The following PRMT3 variants were observed in gnomAD, a reference collection of about 807,000 sequenced individuals.
PRMT3 encodes protein arginine methyltransferase 3.
PRMT3 carries 62 observed loss-of-function variants against 71.9 expected under a neutral mutation model. The observed-to-expected ratio is 0.86, with a 90% CI of 0.70 to 1.07. The LOEUF is 1.07. Ranked by LOEUF, PRMT3 falls within the 50% of genes least tolerant of loss-of-function variation. The pLI, the probability that PRMT3 is intolerant of heterozygous loss-of-function variation, is 0.00. For synonymous variants in PRMT3, 213 were observed against 220.4 expected (o/e 0.97, Z 0.30); for missense variants, 663 against 643.0 (o/e 1.03, Z -0.34).
intron 7 of PRMT3, among the ~76,000 whole-genome samples, chr11:20,399,265 CAT>C (rs1459837599): frequency 6.6e-6 from 1 of 152,066 alleles, no homozygotes; most frequent in Non-Finnish European, 1.5e-5. Flanking sequence ...TATTTGATAA[CAT>C]GTATATATTT....
intron 10 of PRMT3, among the ~76,000 whole-genome samples, chr11:20,447,428 T>A (rs1468520757): frequency 6.6e-6 from 1 of 152,134 alleles, no homozygotes; most frequent in African/African-American, 2.4e-5. Flanking sequence ...CCTACAAATT[T>A]ATCTGGCCCA....
chr11:20,416,853 C>T (rs1442860753), intron 9 of PRMT3, among the ~76,000 whole-genome samples: 1 of 152,070 alleles, frequency 6.6e-6, no homozygotes, highest in African/African-American at 2.4e-5. Flanking sequence ...TGTAAATCTA[C>T]CCCCAGCTTC....
At chr11:20,413,235 T>A (rs184479132) in intron 9 of PRMT3, among the ~76,000 whole-genome samples, 2 of 152,242 alleles carry the variant, frequency 1.3e-5, no homozygotes, top group East Asian at 3.9e-4. Context: ...ATTTTAAAAT[T>A]TGGAGTGAAA....
At chr11:20,478,013 A>G (rs16906321) in intron 13 of PRMT3, among the ~76,000 whole-genome samples, 3,306 of 152,290 alleles carry the variant, frequency 0.022, 122 homozygotes, top group African/African-American at 0.074. Context: ...CATTTTTGCT[A>G]CTTTACCCAC....
chr11:20,506,960 TCACTGTTTCACATGGGTA>T (rs1368604534), intron 15 of PRMT3, among the ~76,000 whole-genome samples: 2 of 152,238 alleles, frequency 1.3e-5, no homozygotes, highest in Non-Finnish European at 2.9e-5. Flanking sequence ...TTTTGTGTGT[TCACTGTTTCACATGGGTA>T]CATTGTTTCC....
intron 11 of PRMT3, among the ~76,000 whole-genome samples, chr11:20,460,927 A>C (rs1195402720): frequency 6.6e-6 from 1 of 152,194 alleles, no homozygotes; most frequent in Non-Finnish European, 1.5e-5. Context: ...TATTTTAACT[A>C]TCTCTTAATT....
At chr11:20,503,401 T>C (rs1044922173) in intron 15 of PRMT3, among the ~76,000 whole-genome samples, 2 of 152,128 alleles carry the variant, frequency 1.3e-5, no homozygotes, top group African/African-American at 4.8e-5. Context: ...ATTCACACAT[T>C]TTGATTGTAC....
At chr11:20,507,825 G>T (rs1385196543) in intron 15 of PRMT3, among the ~76,000 whole-genome samples, 1 of 151,196 alleles carries the variant, frequency 6.6e-6, no homozygotes, top group Non-Finnish European at 1.5e-5. Context: ...AATGAATATT[G>T]GCTGGGCACA....
intron 13 of PRMT3, among the ~76,000 whole-genome samples, chr11:20,484,258 TAGTG>T (rs1259673228): frequency 1.3e-5 from 2 of 152,158 alleles, no homozygotes; most frequent in Non-Finnish European, 2.9e-5. Context: ...ATTATAAATA[TAGTG>T]AGTGTTATTA....
intron 8 of PRMT3, chr11:20,406,719 A>G (rs1849079491): frequency 2.0e-5 from 3 of 152,174 alleles, no homozygotes; most frequent in Non-Finnish European, 4.4e-5. Flanking sequence ...TTGAGAAATC[A>G]CTGTGCTGTT....
chr11:20,464,810 G>T (rs1850470001), intron 13 of PRMT3, among the ~76,000 whole-genome samples: 1 of 152,078 alleles, frequency 6.6e-6, no homozygotes, highest in African/African-American at 2.4e-5. Context: ...CTATCACGTG[G>T]TTAGTCAAGA....
At chr11:20,472,260 G>A (rs1850664243) in intron 13 of PRMT3, among the ~76,000 whole-genome samples, 1 of 152,170 alleles carries the variant, frequency 6.6e-6, no homozygotes, top group African/African-American at 2.4e-5. Context: ...GTGAGAGAGG[G>A]CATCCTTGTC....
At chr11:20,488,032 A>T (rs955294817) in intron 13 of PRMT3, among the ~76,000 whole-genome samples, 1 of 151,922 alleles carries the variant, frequency 6.6e-6, no homozygotes, top group Admixed American at 6.6e-5. Flanking sequence ...TTTTACCACC[A>T]CTCAATCTGG....
intron 9 of PRMT3, among the ~76,000 whole-genome samples, chr11:20,409,693 G>A (rs1321294716): frequency 2.9e-5 from 2 of 70,090 alleles, no homozygotes; most frequent in Admixed American, 1.2e-4. Flanking sequence ...ACACACACAC[G>A]TTGCATTTGC....
intron 11 of PRMT3, among the ~76,000 whole-genome samples, chr11:20,454,051 T>C (rs1850214110): frequency 6.6e-6 from 1 of 152,168 alleles, no homozygotes; most frequent in Non-Finnish European, 1.5e-5. Flanking sequence ...CCAAACAATA[T>C]ACTCTACCTT....
At chr11:20,480,178 C>T (rs1005448600) in intron 13 of PRMT3, among the ~76,000 whole-genome samples, 3 of 152,046 alleles carry the variant, frequency 2.0e-5, no homozygotes, top group Admixed American at 1.3e-4. Flanking sequence ...GGGAAAGGAG[C>T]ATAAAAGAAG....
intron 13 of PRMT3, among the ~76,000 whole-genome samples, chr11:20,475,924 C>T (rs997133616): frequency 1.3e-5 from 2 of 151,876 alleles, no homozygotes; most frequent in African/African-American, 4.8e-5. Flanking sequence ...GATCTGCCCA[C>T]CTCAGCCTCC....
In PRMT3 at chr11:20,426,878, A is replaced by G. The variant is rs371589090; in HGVS notation, c.993+13A>G. 5 of 1,517,334 alleles carry G rather than the reference A, an allele frequency of 3.3e-6. No homozygotes were observed. The highest frequency in any genetic ancestry group is 2.7e-5 in the Admixed American group (1 of 36,830). 94.0% of individuals were successfully genotyped at this position (1,517,334 alleles called of 1,614,324 possible). ...ATCTGAGTGGATGGTGAGTGTTTAT[A>G]GAAAAAACTACTTTCACTGGTAAAA... is the stretch of plus-strand genomic sequence containing the variant. On this transcript the variant is annotated intron_variant, in intron 10 of 15. Coordinates refer to ENST00000331079, the MANE Select transcript of PRMT3 (RefSeq NM_005788.4).
Position 20,462,088 on chromosome 11 carries a change from T to C in PRMT3, c.1181T>C (p.Met394Thr). 1 of 1,613,356 alleles carries C rather than the reference T, an allele frequency of 6.2e-7. No homozygotes were observed. The highest frequency in any genetic ancestry group is 8.5e-7 in the Non-Finnish European group (1 of 1,179,514). Residue 394 changes from methionine (M) to threonine (T), a missense_variant, in exon 12 of 16, where the codon ATG (methionine) becomes ACG (threonine). Coordinates refer to ENST00000331079, the MANE Select transcript of PRMT3 (RefSeq NM_005788.4). The stretch of plus-strand genomic sequence containing the variant: ...GTCTATGGCTTCAAGATGTCCTGCA[T>C]GAAGAAAGCAGTTATTCCAGAAGCT... ...DDVYGFKMSCMKKAVIPEAVV... is the reference protein window; with the variant it reads ...DDVYGFKMSCTKKAVIPEAVV...
Sources: gnomAD v4.1 joint callset for allele counts (sites outside exome capture counted in the v4.1 genomes callset) on GRCh38, gnomAD v4.1.1 for gene constraint, MANE v1.5 for transcripts, NCBI Gene and HGNC (gene_info 2026-07-23, HGNC 2026-07-21) for gene names.